Variants in NMD3 observed in about 807,000 individuals in gnomAD.
NMD3 encodes NMD3 ribosome export adaptor.
In NMD3, 47 loss-of-function variants were observed where a neutral mutation model predicts 73.1. That is an observed-to-expected ratio of 0.64 (90% confidence interval 0.51 to 0.82). NMD3 has a LOEUF of 0.82. NMD3 is among the 40% of genes least tolerant of loss of function. The probability of loss-of-function intolerance (pLI) is 0.00; values close to 1 mark genes in which losing one functional copy is unlikely to be tolerated. For missense variants in NMD3, 554 were observed against 612.5 expected (o/e 0.90, Z 1.01); for synonymous variants, 210 against 194.5 (o/e 1.08, Z -0.66).
chr3:161,247,410 C>A (rs1238716108), intron 13 of NMD3, 80 bp downstream of exon 13: 1 of 754,390 alleles, frequency 1.3e-6, no homozygotes, highest in South Asian at 2.0e-5. Context: ...TAGGAGTTCA[C>A]ACTTTTGAAA....
downstream of NMD3, chr3:161,252,707 C>T (rs1457372938): frequency 1.7e-6 from 1 of 604,346 alleles, no homozygotes; most frequent in East Asian, 2.9e-5. Context: ...TGCACAAGAA[C>T]ATGATTTATA....
At chr3:161,229,388 A>T (rs903459812) in intron 4 of NMD3, among the ~76,000 whole-genome samples, 1 of 152,196 alleles carries the variant, frequency 6.6e-6, no homozygotes, top group African/African-American at 2.4e-5. Flanking sequence ...ATCTATTTTT[A>T]AGGTAGTAAC....
chr3:161,224,050 A>T (rs899635464), intron 2 of NMD3, among the ~76,000 whole-genome samples: 1 of 152,148 alleles, frequency 6.6e-6, no homozygotes, highest in Non-Finnish European at 1.5e-5. Context: ...GGTAAAGAGC[A>T]CGTTAACATT....
intron 5 of NMD3, among the ~76,000 whole-genome samples, chr3:161,234,345 T>G (rs1736657177): frequency 6.6e-6 from 1 of 151,664 alleles, no homozygotes; most frequent in South Asian, 2.1e-4. Flanking sequence ...GAGAATCACT[T>G]GAGCCCAGGA....
At chr3:161,238,310 A>T (rs1289535751) in intron 8 of NMD3, 119 bp downstream of exon 8, 8 of 704,062 alleles carry the variant, frequency 1.1e-5, no homozygotes, top group Non-Finnish European at 1.9e-5. Context: ...AAATACTTAC[A>T]CAATCAGGAA....
At position 161,221,989 on chromosome 3, in the gene NMD3, A is replaced by G. The variant is rs201748825; in HGVS notation, c.-20-5A>G. The stretch of plus-strand genomic sequence containing the variant: ...TTTTTTTTTTTTTTTTTTTTTTTTT[A>G]AAAGAACTTAAGGCATACAGAACGA... On this transcript the variant is annotated splice_region_variant and splice_polypyrimidine_tract_variant and intron_variant, in intron 1 of 15. Transcript: ENST00000351193. The G allele has an allele frequency of 9.0e-6, 8 of 891,508 alleles. No homozygotes were observed. Among genetic ancestry groups the G allele is most frequent in the African/African-American group, 3.5e-5 (1 of 28,372 alleles). The allele number at this position is 891,508 out of a possible 1,614,324, so 55.2% of individuals were successfully genotyped here.
intron 7 of NMD3, among the ~76,000 whole-genome samples, chr3:161,235,934 TGTTA>T (rs1005045089): frequency 9.9e-5 from 15 of 152,142 alleles, no homozygotes; most frequent in African/African-American, 3.4e-4. Context: ...TTATCTATTA[TGTTA>T]GTTTTTTCAA....
chr3:161,246,525 A>G, intron 12 of NMD3, 77 bp downstream of exon 12: 1 of 555,704 alleles, frequency 1.8e-6, no homozygotes, highest in South Asian at 3.4e-5. Context: ...CTACCTAAAA[A>G]TACTAACATT....
At chr3:161,232,980 TAAA>T (rs1245647767) in intron 4 of NMD3, among the ~76,000 whole-genome samples, 3 of 152,174 alleles carry the variant, frequency 2.0e-5, no homozygotes, top group Non-Finnish European at 4.4e-5. Flanking sequence ...TGTCACTTCT[TAAA>T]AAAAGTCACA....
chr3:161,249,554 A>T lies in NMD3; in HGVS notation c.1304A>T (p.Asp435Val). ...ARERENMDTDDERQYQDFLED... is the reference protein window; with the variant it reads ...ARERENMDTDVERQYQDFLED... The stretch of plus-strand genomic sequence containing the variant: ...GAGAGAGAAAACATGGATACAGATG[A>T]TGAAAGGTCTCGCTTTTCTTTAAAT... The change falls in exon 14 of 16, where the codon GAT becomes GTT. Residue 435 changes from aspartate to valine, a missense_variant. Coordinates refer to ENST00000351193, the MANE Select transcript of NMD3 (RefSeq NM_015938.5). The T allele has an allele frequency of 6.3e-7, 1 of 1,586,040 alleles. No individual in the cohort carries two copies. The highest frequency in any genetic ancestry group is 8.7e-7 in the Non-Finnish European group (1 of 1,155,200).
intron 12 of NMD3, 92 bp downstream of exon 12, chr3:161,246,540 A>G: frequency 2.0e-6 from 1 of 505,674 alleles, no homozygotes; most frequent in Non-Finnish European, 3.6e-6. Flanking sequence ...AACATTGTTT[A>G]TTCTAAAAAG....
Position 161,225,080 on chromosome 3 carries a change from A to G in NMD3, c.179+16A>G, listed in dbSNP as rs747822348. ...AATGTCAAAGGTACAGTGCGGTACA[A>G]TTTTGCTCTTTTTAAAGTTGGAATT... On this transcript the variant is annotated intron_variant, in intron 3 of 15. Transcript: ENST00000351193. 4 of 1,598,786 alleles carry G rather than the reference A, an allele frequency of 2.5e-6. No homozygotes were observed. Among genetic ancestry groups the G allele is most frequent in the Non-Finnish European group, 3.4e-6 (4 of 1,174,254 alleles).
At chr3:161,239,842 T>G (rs1736902630) in intron 9 of NMD3, among the ~76,000 whole-genome samples, 1 of 152,202 alleles carries the variant, frequency 6.6e-6, no homozygotes, top group Admixed American at 6.5e-5. Flanking sequence ...AGCTTTGCTG[T>G]TGTACAAAAG....
rs1320416919 is a variant in NMD3 at position 161,233,449 on chromosome 3, A to T, written c.327A>T (p.Arg109Ser). The T allele has an allele frequency of 6.2e-7, 1 of 1,608,560 alleles. No homozygotes were observed. The highest frequency in any genetic ancestry group is 1.7e-5 in the Admixed American group (1 of 59,618). ...TTTGGACTGAGCCTCATTCTAAGAG[A>T]CTTAAAGTTAAACTGACTATTCAGA... ...GFVWTEPHSK[R>S]LKVKLTIQKE... Residue 109 changes from arginine to serine, a missense_variant, in exon 5 of 16, where the codon AGA becomes AGT. Transcript: ENST00000351193.
At chr3:161,225,457 A>T (rs531835655) in intron 3 of NMD3, among the ~76,000 whole-genome samples, 10 of 152,312 alleles carry the variant, frequency 6.6e-5, no homozygotes, top group African/African-American at 1.9e-4. Flanking sequence ...GTAATTTAGT[A>T]ATATGTTTTA....
intron 9 of NMD3, among the ~76,000 whole-genome samples, chr3:161,240,840 T>C (rs760568575): frequency 1.4e-5 from 1 of 72,240 alleles, no homozygotes; most frequent in Non-Finnish European, 3.1e-5. Context: ...AGCCAGGATT[T>C]TTTTTTTTTT....
intron 2 of NMD3, among the ~76,000 whole-genome samples, chr3:161,223,776 G>C (rs755957297): frequency 2.0e-5 from 3 of 152,254 alleles, no homozygotes; most frequent in South Asian, 2.1e-4. Flanking sequence ...TCTTGATACA[G>C]GATTTTCTTT....
rs781547354 is a variant in NMD3 at position 161,227,276 on chromosome 3, A to G, written c.209A>G (p.Gln70Arg). 5 of 1,611,956 alleles carry G rather than the reference A, an allele frequency of 3.1e-6. No individual in the cohort carries two copies. Among genetic ancestry groups the G allele is most frequent in the Non-Finnish European group, 4.2e-6 (5 of 1,178,924 alleles). The change falls in exon 4 of 16, where the codon CAG becomes CGG. Residue 70 changes from glutamine to arginine, a missense_variant. Physicochemically the swap from Gln to Arg is conservative, Grantham distance 43 (BLOSUM62 1). Coordinates refer to ENST00000351193, the MANE Select transcript of NMD3 (RefSeq NM_015938.5). The stretch of plus-strand genomic sequence containing the variant: ...TTTCAACCACCAGGAACTTGGATAC[A>G]GTGTGCTTTAGAATCCAGGGAACTT... ...RYFQPPGTWI[Q>R]CALESRELLA...
chr3:161,233,468 A>C lies in NMD3; in HGVS notation c.346A>C (p.Ile116Leu). ...HSKRLKVKLTIQKEVMNGAIL... is the reference protein window; with the variant it reads ...HSKRLKVKLTLQKEVMNGAIL... ...TAAGAGACTTAAAGTTAAACTGACTATTCAGAAAGAGGTAAGCAGTACATA... is the reference window on the plus strand; with the variant it reads ...TAAGAGACTTAAAGTTAAACTGACTCTTCAGAAAGAGGTAAGCAGTACATA... The change falls in exon 5 of 16, where the codon ATT becomes CTT. Residue 116 changes from isoleucine to leucine, a missense_variant. Coordinates refer to ENST00000351193, the MANE Select transcript of NMD3 (RefSeq NM_015938.5). 6.2e-7 allele frequency: 1 copy of C among 1,600,600 alleles called. No homozygotes were observed. The highest frequency in any genetic ancestry group is 8.5e-7 in the Non-Finnish European group (1 of 1,170,282).
Sources: gnomAD v4.1 joint callset for allele counts (sites outside exome capture counted in the v4.1 genomes callset) on GRCh38, gnomAD v4.1.1 for gene constraint, MANE v1.5 for transcripts, NCBI Gene and HGNC (gene_info 2026-07-23, HGNC 2026-07-21) for gene names.